The following CREB3L2 variants were observed in gnomAD, a reference collection of about 807,000 sequenced individuals.
The protein encoded by CREB3L2 is cyclic AMP-responsive element-binding protein 3-like protein 2.
A neutral mutation model predicts 57.2 loss-of-function variants in CREB3L2; 23 were observed. That is an observed-to-expected ratio of 0.40 (90% CI 0.29 to 0.57). CREB3L2 has a LOEUF of 0.57. Among genes scored for constraint, CREB3L2 ranks in the 20% least tolerant of loss-of-function variants. The probability of loss-of-function intolerance (pLI) is 0.42; values close to 1 mark genes in which losing one functional copy is unlikely to be tolerated. For missense variants in CREB3L2, 628 were observed against 634.7 expected, an observed-to-expected ratio of 0.99 and a Z score of 0.11; for synonymous variants, 268 against 265.1, an observed-to-expected ratio of 1.01 and a Z score of -0.11.
rs183465893 is a variant in CREB3L2 at position 137,901,197 on chromosome 7, G to T, written c.1043+157C>A. On this transcript the variant is annotated intron_variant, in intron 8 of 11. Coordinates refer to ENST00000330387, the MANE Select transcript of CREB3L2 (RefSeq NM_194071.4). ...GCATGCGTGTGTGTGTAGCAGGAGT[G>T]GGTGGGTGGAGTTTGGCCATGCTGA... 6.8e-4 allele frequency among the ~76,000 whole-genome samples: 103 copies of T among 152,280 alleles called. No homozygotes were observed. The Middle Eastern group carries it at 0.014, about 20-fold the overall frequency.
chr7:137,922,504 A>G (rs1037062195), intron 2 of CREB3L2: 10 of 276,930 alleles, frequency 3.6e-5, no homozygotes, highest in African/African-American at 2.2e-4. Context: ...ACACACACAC[A>G]CACAATATAT....
rs1205643929 is a variant in CREB3L2 at position 137,896,379 on chromosome 7, G to A, written c.1043+4975C>T. Among the ~76,000 whole-genome samples, 11 of 152,232 alleles carry A rather than the reference G, an allele frequency of 7.2e-5. No homozygotes were observed. The South Asian group carries it at 1.9e-3, about 26-fold the overall frequency. On this transcript the variant is annotated intron_variant, in intron 8 of 11. Transcript: ENST00000330387. Reference sequence around the variant, plus strand: ...TGCAATGGCGTGATCTCGGCTCACCGTAACCTCCGTCTCCCAGGTTCAAGT... The same window carrying A: ...TGCAATGGCGTGATCTCGGCTCACCATAACCTCCGTCTCCCAGGTTCAAGT...
chr7:137,954,164 A>AT lies in CREB3L2; in HGVS notation c.103-25799_103-25798insA, dbSNP rs1801161090. 5.9e-5 allele frequency among the ~76,000 whole-genome samples: 9 copies of AT among 152,298 alleles called. No individual in the cohort carries two copies. In the South Asian group the frequency reaches 1.9e-3, roughly 32 times the overall value. On this transcript the variant is annotated intron_variant, in intron 1 of 11. Transcript: ENST00000330387. ...GTTGTACCTGTCCTGTCTACGCATG[A>AT]GGGATAACTAAAATGACAACTGAAA...
chr7:137,964,048 C>T (rs1801367622), intron 1 of CREB3L2, among the ~76,000 whole-genome samples: 1 of 152,248 alleles, frequency 6.6e-6, no homozygotes, highest in African/African-American at 2.4e-5. Flanking sequence ...GGCGCGGTGG[C>T]TCACGCCTGT....
chr7:137,880,408 G>C lies in CREB3L2; in HGVS notation c.*68C>G. ...GATCCAGTGGCAAAGAGGAAAAGCT[G>C]ATGACAAAGGTGGTTTGGGGATGTA... On this transcript the variant is annotated 3_prime_UTR_variant, in exon 12 of 12. Coordinates refer to ENST00000330387, the MANE Select transcript of CREB3L2 (RefSeq NM_194071.4). This position sits in a 1 kb window ranked among gnomAD's most constrained non-coding sequence, Gnocchi z 4.0. The C allele has an allele frequency of 7.8e-7, 1 of 1,289,558 alleles. No homozygotes were observed. Among genetic ancestry groups the C allele is most frequent in the South Asian group, 1.2e-5 (1 of 81,240 alleles). The allele number at this position is 1,289,558 out of a possible 1,614,324, so 79.9% of individuals were successfully genotyped here.
At chr7:137,912,609 C>T (rs138146881) in intron 4 of CREB3L2, among the ~76,000 whole-genome samples, 1 of 152,224 alleles carries the variant, frequency 6.6e-6, no homozygotes, top group Non-Finnish European at 1.5e-5. Context: ...TTGAAATAAG[C>T]AAGGTGCTTT....
intron 8 of CREB3L2, among the ~76,000 whole-genome samples, chr7:137,896,086 C>T (rs553988943): frequency 2.3e-4 from 35 of 152,334 alleles, no homozygotes; most frequent in African/African-American, 7.5e-4. Context: ...ATCACCAGCT[C>T]CCCATGGCTG....
intron 2 of CREB3L2, among the ~76,000 whole-genome samples, chr7:137,918,579 G>C (rs1462959008): frequency 6.6e-6 from 1 of 152,150 alleles, no homozygotes; most frequent in Non-Finnish European, 1.5e-5. Flanking sequence ...ATGAAATATA[G>C]CCTCAGTACA....
chr7:137,910,210 C>T (rs1479255095), intron 4 of CREB3L2, among the ~76,000 whole-genome samples: 1 of 152,104 alleles, frequency 6.6e-6, no homozygotes, highest in African/African-American at 2.4e-5. Flanking sequence ...ACCCTGGTCC[C>T]CCCGGCCCTG....
chr7:137,896,119 A>G (rs1799623610), intron 8 of CREB3L2, among the ~76,000 whole-genome samples: 1 of 152,170 alleles, frequency 6.6e-6, no homozygotes, highest in Non-Finnish European at 1.5e-5. Context: ...GGCATTGCCA[A>G]TGCTTACATC....
At chr7:137,993,521 A>G (rs946083455) in intron 1 of CREB3L2, among the ~76,000 whole-genome samples, 2 of 152,120 alleles carry the variant, frequency 1.3e-5, no homozygotes, top group Non-Finnish European at 2.9e-5. Context: ...TTGTTTGCTC[A>G]TTTATTTATT....
chr7:137,951,058 T>C (rs1015283204), intron 1 of CREB3L2, among the ~76,000 whole-genome samples: 5 of 152,252 alleles, frequency 3.3e-5, no homozygotes, highest in Non-Finnish European at 2.9e-5. Context: ...GTCACTGACA[T>C]GCACGTGCCC....
chr7:137,896,463 A>G (rs1344674540), intron 8 of CREB3L2, among the ~76,000 whole-genome samples: 2 of 151,978 alleles, frequency 1.3e-5, no homozygotes. Context: ...CACCACGCCC[A>G]GCTAATTTTG....
chr7:137,983,666 T>C (rs971245026), intron 1 of CREB3L2, among the ~76,000 whole-genome samples: 1 of 152,232 alleles, frequency 6.6e-6, no homozygotes, highest in Non-Finnish European at 1.5e-5. Flanking sequence ...CCAAGCCACC[T>C]TCCCGGCCTG....
At chr7:137,922,607 G>C (rs944377449) in intron 2 of CREB3L2, 1 of 437,978 alleles carries the variant, frequency 2.3e-6, no homozygotes, top group Non-Finnish European at 4.6e-6. Flanking sequence ...AAACACATAC[G>C]CAGTTGGTCC....
chr7:137,877,993 G>T lies in CREB3L2; in HGVS notation c.*2483C>A, dbSNP rs1361059656. ...GTGGAGGGCAGAGGTTTATCTAAAAGAGCAGTGATGTTGGTTCTTGGAGCC... is the reference window on the plus strand; with the variant it reads ...GTGGAGGGCAGAGGTTTATCTAAAATAGCAGTGATGTTGGTTCTTGGAGCC... On this transcript the variant is annotated 3_prime_UTR_variant, in exon 12 of 12. Transcript: ENST00000330387. 3 of 227,938 alleles carry T rather than the reference G, an allele frequency of 1.3e-5. No individual in the cohort carries two copies. The highest frequency in any genetic ancestry group is 2.6e-5 in the Non-Finnish European group (3 of 114,930). The allele number at this position is 227,938 out of a possible 1,614,324, so 14.1% of individuals were successfully genotyped here. A position where few individuals can be genotyped will look rare whatever the true frequency, so the allele number is the denominator to read the frequency against.
intron 1 of CREB3L2, among the ~76,000 whole-genome samples, chr7:137,952,864 CTGG>C (rs763031233): frequency 2.0e-5 from 3 of 152,118 alleles, no homozygotes; most frequent in Non-Finnish European, 4.4e-5. Flanking sequence ...GTCAACTAGG[CTGG>C]AGTGCAGTGG....
chr7:137,979,724 TCAAAAACAA>T (rs1801679467), intron 1 of CREB3L2, among the ~76,000 whole-genome samples: 1 of 97,464 alleles, frequency 1.0e-5, no homozygotes, highest in African/African-American at 4.4e-5. Context: ...AGACTCCGTC[TCAAAAACAA>T]CAACAACAAC....
Position 137,880,557 on chromosome 7 carries a change from A to G in CREB3L2, c.1488-6T>C. On this transcript the variant is annotated splice_polypyrimidine_tract_variant and splice_region_variant and intron_variant, in intron 11 of 11. Coordinates refer to ENST00000330387, the MANE Select transcript of CREB3L2 (RefSeq NM_194071.4). This position sits in a 1 kb window ranked among gnomAD's most constrained non-coding sequence, Gnocchi z 4.0. ...CCTCCAGTTTGGCGCTGACCCTGTG[A>G]AGGCATTAAAAGGAAAACGAAGTAT... The G allele has an allele frequency of 6.2e-7, 1 of 1,608,350 alleles. No homozygotes were observed. Among genetic ancestry groups the G allele is most frequent in the Non-Finnish European group, 8.5e-7 (1 of 1,174,924 alleles).
Sources: allele counts gnomAD v4.1 joint callset (sites outside exome capture counted in the v4.1 genomes callset), GRCh38; gene constraint gnomAD v4.1.1; non-coding constraint Gnocchi (gnomAD v3.1); transcripts MANE v1.5; gene names NCBI Gene and HGNC (gene_info 2026-07-23, HGNC 2026-07-21).